Variants in ST3GAL3 observed in about 807,000 individuals in gnomAD.
ST3GAL3 encodes the protein ST3 beta-galactoside alpha-2,3-sialyltransferase 3.
Under a neutral mutation model 50.1 loss-of-function variants are expected in ST3GAL3, and 21 were observed. That is an observed-to-expected ratio of 0.42 (90% CI 0.30 to 0.60). The LOEUF (loss-of-function observed/expected upper bound fraction) is 0.60. ST3GAL3 is among the 20% of genes least tolerant of loss of function. The probability of loss-of-function intolerance (pLI) is 0.19; values close to 1 mark genes in which losing one functional copy is unlikely to be tolerated. For synonymous variants in ST3GAL3, 183 were observed against 190.0 expected, an observed-to-expected ratio of 0.96 and a Z score of 0.30; for missense variants, 353 against 489.4, an observed-to-expected ratio of 0.72 and a Z score of 2.63.
chr1:43,850,447 G>T (rs2067072736), intron 5 of ST3GAL3: 1 of 591,064 alleles, frequency 1.7e-6, no homozygotes, highest in Non-Finnish European at 3.3e-6. Context: ...CTCTGGATCT[G>T]CAGGGTTAGC....
chr1:43,771,734 GTGT>G (rs2154133085), intron 2 of ST3GAL3: 8 of 50,044 alleles, frequency 1.6e-4, no homozygotes, highest in Non-Finnish European at 4.0e-4. Context: ...ATAAAGTTGT[GTGT>G]GTGTGTGTGT....
chr1:43,707,833 CG>C (rs1261713990), intron 1 of ST3GAL3, 140 bp downstream of exon 1: 1 of 152,184 alleles, frequency 6.6e-6, no homozygotes, highest in Non-Finnish European at 1.5e-5. Flanking sequence ...CCCGGGAAGG[CG>C]GGGTCGGGGC....
chr1:43,780,176 A>G (rs781159936), intron 2 of ST3GAL3, among the ~76,000 whole-genome samples: 8 of 152,132 alleles, frequency 5.3e-5, no homozygotes, highest in Non-Finnish European at 1.2e-4. Context: ...CTGATTTCAC[A>G]CTTAATTGAT....
Position 43,858,151 on chromosome 1 carries a change from G to A in ST3GAL3, c.302+19840G>A, listed in dbSNP as rs1179567707. The A allele has an allele frequency of 1.2e-5, 15 of 1,289,394 alleles. No individual in the cohort carries two copies. The East Asian group carries it at 3.9e-4, about 33-fold the overall frequency. 79.9% of individuals were successfully genotyped at this position (1,289,394 alleles called of 1,614,324 possible). Reference sequence around the variant, plus strand: ...CTTCCCCAGAGCTAAGAGAAATGGTGCATGGAGACAAAAACATATCCAGGC... The same window carrying A: ...CTTCCCCAGAGCTAAGAGAAATGGTACATGGAGACAAAAACATATCCAGGC... On this transcript the variant is annotated intron_variant, in intron 5 of 11. Coordinates refer to ENST00000347631, the MANE Select transcript of ST3GAL3 (RefSeq NM_006279.5).
At chr1:43,840,132 A>G (rs1308394568) in intron 5 of ST3GAL3, 1 of 151,644 alleles carries the variant, frequency 6.6e-6, no homozygotes, top group Non-Finnish European at 1.5e-5. Context: ...GGCTCAAGCA[A>G]TTAGCCACCT....
chr1:43,758,159 A>ACCC (rs1355144849), intron 2 of ST3GAL3, among the ~76,000 whole-genome samples: 12 of 131,372 alleles, frequency 9.1e-5, no homozygotes, highest in African/African-American at 3.3e-4. Flanking sequence ...TTGGCTGCAT[A>ACCC]CCACCCCCCC....
Position 43,857,586 on chromosome 1 carries a change from C to CCTTCCTTCCTTCCTTCCTT in ST3GAL3, c.302+19276_302+19277insTTCCTTCCTTCCTTCCTTC. Reference sequence around the variant, plus strand: ...TTCCTTCTTTCTTTCCTTCCTCCCTCCCTTCCTTCCTTCCTTCCTTCCTTC... The same window carrying CCTTCCTTCCTTCCTTCCTT: ...TTCCTTCTTTCTTTCCTTCCTCCCTCCTTCCTTCCTTCCTTCCTTCCTTCCTTCCTTCCTTCCTTCCTTC... On this transcript the variant is annotated intron_variant, in intron 5 of 11. Coordinates refer to ENST00000347631, the MANE Select transcript of ST3GAL3 (RefSeq NM_006279.5). 5.0e-3 allele frequency among the ~76,000 whole-genome samples: 429 copies of CCTTCCTTCCTTCCTTCCTT among 85,958 alleles called. 6 individuals carry two copies. The highest frequency in any genetic ancestry group is 0.016 in the African/African-American group (270 of 16,662). 56.4% of individuals were successfully genotyped at this position (85,958 alleles called of 152,430 possible).
intron 5 of ST3GAL3, among the ~76,000 whole-genome samples, chr1:43,877,419 C>A (rs540259389): frequency 6.6e-6 from 1 of 151,404 alleles, no homozygotes. Flanking sequence ...ACAGAGGCCA[C>A]ATTCAGGACC....
chr1:43,893,291 TAAC>T (rs913761986), intron 5 of ST3GAL3, among the ~76,000 whole-genome samples: 2 of 152,142 alleles, frequency 1.3e-5, no homozygotes, highest in African/African-American at 4.8e-5. Flanking sequence ...GAGTTAGAAA[TAAC>T]AACACAGAGC....
chr1:43,745,489 TA>T (rs1024451740), intron 2 of ST3GAL3, among the ~76,000 whole-genome samples: 1 of 152,186 alleles, frequency 6.6e-6, no homozygotes, highest in Admixed American at 6.5e-5. Flanking sequence ...CTAGAACAAC[TA>T]CTTAAATAAC....
intron 2 of ST3GAL3, among the ~76,000 whole-genome samples, chr1:43,787,542 A>G (rs2057498731): frequency 6.6e-6 from 1 of 152,230 alleles, no homozygotes; most frequent in Non-Finnish European, 1.5e-5. Flanking sequence ...CAAAACATGA[A>G]TATGTCACCA....
intron 2 of ST3GAL3, among the ~76,000 whole-genome samples, chr1:43,791,569 C>T (rs1037539231): frequency 6.6e-5 from 10 of 152,310 alleles, no homozygotes; most frequent in Admixed American, 5.9e-4. Context: ...GCATTTTGTG[C>T]ACTAACATTT....
intron 5 of ST3GAL3, among the ~76,000 whole-genome samples, chr1:43,880,185 G>T (rs1278946662): frequency 6.6e-6 from 1 of 152,196 alleles, no homozygotes; most frequent in African/African-American, 2.4e-5. Flanking sequence ...CACAAAGTCT[G>T]CTGGGGAACT....
intron 9 of ST3GAL3, among the ~76,000 whole-genome samples, chr1:43,906,358 A>C (rs980219222): frequency 2.2e-4 from 24 of 108,948 alleles, no homozygotes; most frequent in Admixed American, 5.1e-4. Flanking sequence ...TCTTCCCGCC[A>C]CTCTTCCTCC....
chr1:43,800,093 G>A (rs2059149180), intron 3 of ST3GAL3, among the ~76,000 whole-genome samples: 1 of 152,054 alleles, frequency 6.6e-6, no homozygotes, highest in African/African-American at 2.4e-5. Flanking sequence ...TGCCACGTTG[G>A]AGAAGAGCTG....
chr1:43,879,434 G>C, intron 5 of ST3GAL3: 1 of 456,318 alleles, frequency 2.2e-6, no homozygotes, highest in Non-Finnish European at 4.4e-6. Flanking sequence ...AAAGACAAGA[G>C]CAGAAGCTGC....
intron 5 of ST3GAL3, among the ~76,000 whole-genome samples, chr1:43,884,084 AT>A (rs2154258959): frequency 6.6e-6 from 1 of 152,298 alleles, no homozygotes; most frequent in East Asian, 1.9e-4. Flanking sequence ...ACCAAGCCTA[AT>A]TTACTTTTAG....
At chr1:43,831,197 T>C (rs1235725787) in intron 4 of ST3GAL3, among the ~76,000 whole-genome samples, 1 of 152,196 alleles carries the variant, frequency 6.6e-6, no homozygotes, top group African/African-American at 2.4e-5. Context: ...TCATAGAAAG[T>C]AGGGGCTTTG....
At chr1:43,824,387 GGT>G (rs960725186) in intron 4 of ST3GAL3, among the ~76,000 whole-genome samples, 1 of 151,728 alleles carries the variant, frequency 6.6e-6, no homozygotes, top group Non-Finnish European at 1.5e-5. Flanking sequence ...AGAGGAAAGG[GGT>G]GTGTGTGTGG....
Sources: gnomAD v4.1 joint callset for allele counts (sites outside exome capture counted in the v4.1 genomes callset) on GRCh38, gnomAD v4.1.1 for gene constraint, MANE v1.5 for transcripts, NCBI Gene and HGNC (gene_info 2026-07-23, HGNC 2026-07-21) for gene names.